NELL1: variants seen among roughly 807,000 people sequenced by gnomAD.
The protein encoded by NELL1 is neural EGFL like 1, also known as protein kinase C-binding protein NELL1.
Under a neutral mutation model 107.4 loss-of-function variants are expected in NELL1, and 76 were observed. That is an observed-to-expected ratio of 0.71 (90% CI 0.59 to 0.86). NELL1 has a LOEUF of 0.86. NELL1 is among the 40% of genes least tolerant of loss of function. NELL1 has a pLI of 0.00. For synonymous variants in NELL1, 353 were observed against 341.2 expected (o/e 1.03, Z -0.38); for missense variants, 1,024 against 1,005.5 (o/e 1.02, Z -0.25).
intron 15 of NELL1, among the ~76,000 whole-genome samples, chr11:21,490,454 G>GA (rs1854771948): frequency 1.7e-5 from 1 of 58,770 alleles, no homozygotes; most frequent in African/African-American, 7.3e-5. Flanking sequence ...AATGTGTATG[G>GA]AACCAAAAAA....
chr11:20,699,934 C>A (rs902925025), intron 2 of NELL1, among the ~76,000 whole-genome samples: 2 of 152,094 alleles, frequency 1.3e-5, no homozygotes, highest in African/African-American at 4.8e-5. Context: ...CACATCCATG[C>A]CAACACCTAT....
intron 15 of NELL1, among the ~76,000 whole-genome samples, chr11:21,381,124 C>T (rs1403527893): frequency 1.3e-5 from 2 of 151,932 alleles, no homozygotes; most frequent in Admixed American, 6.6e-5. Flanking sequence ...TCTGCTACCT[C>T]GTGATCATTT....
chr11:20,957,700 T>C (rs938855952), intron 11 of NELL1, among the ~76,000 whole-genome samples: 1 of 152,078 alleles, frequency 6.6e-6, no homozygotes, highest in African/African-American at 2.4e-5. Context: ...CAAATTTGAC[T>C]AAGCAGACTG....
At chr11:20,725,261 C>T (rs781711511) in intron 2 of NELL1, among the ~76,000 whole-genome samples, 1 of 152,180 alleles carries the variant, frequency 6.6e-6, no homozygotes, top group Non-Finnish European at 1.5e-5. Flanking sequence ...TTCCAAATTT[C>T]CTACATGAAA....
intron 12 of NELL1, among the ~76,000 whole-genome samples, chr11:21,044,218 G>A (rs908705301): frequency 6.6e-6 from 1 of 152,122 alleles, no homozygotes; most frequent in Non-Finnish European, 1.5e-5. Flanking sequence ...CAGCAGGAAG[G>A]GATTTTAAGA....
chr11:20,807,216 G>C (rs1177691471), intron 3 of NELL1, among the ~76,000 whole-genome samples: 1 of 152,142 alleles, frequency 6.6e-6, no homozygotes. Flanking sequence ...GAAGGGACTT[G>C]GGTGTTGTGA....
chr11:21,138,720 C>A (rs1232327009), intron 13 of NELL1, among the ~76,000 whole-genome samples: 1 of 152,090 alleles, frequency 6.6e-6, no homozygotes, highest in Non-Finnish European at 1.5e-5. Context: ...TTATTTTAAT[C>A]AAATAACTTG....
intron 4 of NELL1, among the ~76,000 whole-genome samples, chr11:20,853,078 G>A (rs1173239237): frequency 6.6e-6 from 1 of 152,180 alleles, no homozygotes. Context: ...TCACCATTAT[G>A]TGATCTGAAT....
chr11:20,880,747 G>C (rs1352584406), intron 4 of NELL1, among the ~76,000 whole-genome samples: 1 of 152,192 alleles, frequency 6.6e-6, no homozygotes, highest in Non-Finnish European at 1.5e-5. Context: ...ATAGAGTCCA[G>C]TTGGGTGTGT....
chr11:21,303,125 C>T (rs564501301), intron 14 of NELL1, among the ~76,000 whole-genome samples: 74 of 124,814 alleles, frequency 5.9e-4, no homozygotes, highest in African/African-American at 1.9e-3. Context: ...TATCTTCTGT[C>T]TATCTATACA....
chr11:20,791,180 C>A (rs940472977), intron 3 of NELL1, among the ~76,000 whole-genome samples: 2 of 152,150 alleles, frequency 1.3e-5, no homozygotes, highest in African/African-American at 4.8e-5. Context: ...GCATTGCCAT[C>A]AAAACAATGT....
chr11:21,147,973 C>T (rs1856024747), intron 13 of NELL1, among the ~76,000 whole-genome samples: 1 of 151,344 alleles, frequency 6.6e-6, no homozygotes, highest in Admixed American at 6.6e-5. Context: ...GCTACGCAGG[C>T]AATAGTCTTC....
chr11:21,290,398 G>GATAA (rs367977438), intron 14 of NELL1, among the ~76,000 whole-genome samples: 21,217 of 146,240 alleles, frequency 0.15, 1,670 homozygotes, highest in African/African-American at 0.18. Flanking sequence ...AAAATAAATA[G>GATAA]ATAAATAAAT....
At chr11:20,837,750 A>G (rs1848559545) in intron 3 of NELL1, among the ~76,000 whole-genome samples, 1 of 152,204 alleles carries the variant, frequency 6.6e-6, no homozygotes, top group Non-Finnish European at 1.5e-5. Flanking sequence ...GAGCAAAAAA[A>G]TAAACAGTGT....
intron 2 of NELL1, among the ~76,000 whole-genome samples, chr11:20,682,491 T>C (rs1378548411): frequency 6.6e-6 from 1 of 152,050 alleles, no homozygotes; most frequent in African/African-American, 2.4e-5. Context: ...TTGATATGTA[T>C]GTTGATTTCA....
intron 2 of NELL1, among the ~76,000 whole-genome samples, chr11:20,690,680 C>G (rs1854439617): frequency 6.6e-6 from 1 of 151,932 alleles, no homozygotes; most frequent in African/African-American, 2.4e-5. Flanking sequence ...GTTTTGGTTA[C>G]CGTAGCCTTG....
At chr11:21,528,468 C>T (rs1855909953) in intron 15 of NELL1, among the ~76,000 whole-genome samples, 1 of 128,666 alleles carries the variant, frequency 7.8e-6, no homozygotes, top group African/African-American at 2.7e-5. Context: ...CAGTTTCTCT[C>T]TCTTGTTTCC....
At chr11:21,202,239 G>A (rs949694171) in intron 13 of NELL1, among the ~76,000 whole-genome samples, 1 of 152,164 alleles carries the variant, frequency 6.6e-6, no homozygotes, top group African/African-American at 2.4e-5. Context: ...GAATTTGGCT[G>A]TGAATCCGTC....
chr11:20,925,957 C>G (rs1590423304), intron 7 of NELL1, among the ~76,000 whole-genome samples: 1 of 152,060 alleles, frequency 6.6e-6, no homozygotes, highest in Admixed American at 6.6e-5. Context: ...GGAAGTCATT[C>G]CCTAGGTTTA....
Sources: allele counts gnomAD v4.1 joint callset (sites outside exome capture counted in the v4.1 genomes callset), GRCh38; gene constraint gnomAD v4.1.1; transcripts MANE v1.5; gene names NCBI Gene and HGNC (gene_info 2026-07-23, HGNC 2026-07-21).